Variants in LYRM4 observed in about 807,000 individuals in gnomAD.
LYRM4 encodes LYR motif-containing protein 4.
LYRM4 carries 9 observed loss-of-function variants against 11.7 expected under a neutral mutation model. That is an observed-to-expected ratio of 0.77 (90% confidence interval 0.46 to 1.34). The LOEUF (loss-of-function observed/expected upper bound fraction) is 1.34. LYRM4 is among the 40% of genes most tolerant of loss of function. The pLI, the probability that LYRM4 is intolerant of heterozygous loss-of-function variation, is 0.00. For synonymous variants in LYRM4, 42 were observed against 40.4 expected (o/e 1.04, Z -0.15); for missense variants, 133 against 112.5 (o/e 1.18, Z -0.82).
chr6:5,058,034 G>A, the LYRM4 span, among the ~76,000 whole-genome samples: 1 of 152,134 alleles, frequency 6.6e-6, no homozygotes, highest in South Asian at 2.1e-4. Context: ...TTACAGGCAT[G>A]AGCCACCACA....
chr6:5,041,159 G>A, the LYRM4 span, among the ~76,000 whole-genome samples: 2,858 of 151,010 alleles, frequency 0.019, 95 homozygotes, highest in African/African-American at 0.067. Flanking sequence ...AGTGAGACTC[G>A]TCTCAAAAAA....
chr6:5,089,019 C>A, the LYRM4 span: 1 of 152,180 alleles, frequency 6.6e-6, no homozygotes, highest in Non-Finnish European at 1.5e-5. Flanking sequence ...TGGAGATATC[C>A]CTTTGACTAT....
the LYRM4 span, among the ~76,000 whole-genome samples, chr6:5,074,390 A>G: frequency 1.6e-4 from 22 of 139,772 alleles, no homozygotes; most frequent in African/African-American, 5.8e-4. Context: ...GGAGAGAAGC[A>G]CAGGTACTTT....
At chr6:5,053,037 TAGAA>T in the LYRM4 span, among the ~76,000 whole-genome samples, 1 of 152,224 alleles carries the variant, frequency 6.6e-6, no homozygotes, top group Non-Finnish European at 1.5e-5. Flanking sequence ...TTATGTATAA[TAGAA>T]AGAAAGGCAA....
At chr6:5,182,457 TAACA>T (rs1760132251) in intron 2 of LYRM4, among the ~76,000 whole-genome samples, 1 of 152,254 alleles carries the variant, frequency 6.6e-6, no homozygotes, top group African/African-American at 2.4e-5. Context: ...CTTAAATGTT[TAACA>T]AAAATTCATT....
At chr6:5,074,527 G>T in the LYRM4 span, among the ~76,000 whole-genome samples, 2 of 150,214 alleles carry the variant, frequency 1.3e-5, no homozygotes, top group East Asian at 2.0e-4. Context: ...AGCAGCAAGA[G>T]AACTAGAATT....
At chr6:5,069,833 C>T in the LYRM4 span, among the ~76,000 whole-genome samples, 1 of 152,170 alleles carries the variant, frequency 6.6e-6, no homozygotes, top group Admixed American at 6.5e-5. Flanking sequence ...CTTTCCCAGA[C>T]AATAGAATAT....
At chr6:5,147,881 G>A (rs4960068) in intron 2 of LYRM4, among the ~76,000 whole-genome samples, 30,267 of 152,084 alleles carry the variant, frequency 0.2, 3,676 homozygotes, top group African/African-American at 0.33. Context: ...GGAAGCTCCA[G>A]GTCTCATTGA....
chr6:5,075,092 G>A, the LYRM4 span, among the ~76,000 whole-genome samples: 5 of 152,040 alleles, frequency 3.3e-5, no homozygotes, highest in African/African-American at 9.7e-5. Context: ...TTCACCTTCC[G>A]CCATGATTGT....
In LYRM4 at chr6:5,110,865, C is replaced by T. The variant is rs574440867; in HGVS notation, c.208-1374G>A. Among the ~76,000 whole-genome samples the T allele has an allele frequency of 6.6e-5, 10 of 152,278 alleles. No individual in the cohort carries two copies. The East Asian group carries it at 7.7e-4, about 12-fold the overall frequency. The stretch of plus-strand genomic sequence containing the variant: ...GGAGGGTCTGGGGTGCTGCGTTTCT[C>T]GCAACCTGCAGGTAATGCTGATGCT... On this transcript the variant is annotated intron_variant, in intron 2 of 2. Transcript: ENST00000330636.
At chr6:5,112,560 C>T (rs1762931893) in intron 2 of LYRM4, among the ~76,000 whole-genome samples, 1 of 152,244 alleles carries the variant, frequency 6.6e-6, no homozygotes, top group Non-Finnish European at 1.5e-5. Context: ...ATTCTGCAGA[C>T]AAGCAGTGAG....
intron 2 of LYRM4, among the ~76,000 whole-genome samples, chr6:5,213,318 G>A (rs1339532917): frequency 6.6e-6 from 1 of 152,184 alleles, no homozygotes; most frequent in East Asian, 1.9e-4. Context: ...CTAGGGTTAT[G>A]GGACGCGGGG....
At chr6:5,178,620 C>T (rs1427101420) in intron 2 of LYRM4, among the ~76,000 whole-genome samples, 1 of 150,962 alleles carries the variant, frequency 6.6e-6, no homozygotes, top group Non-Finnish European at 1.5e-5. Context: ...TTGAGACCAG[C>T]CTGACCAACA....
At chr6:5,117,818 C>T (rs1359207826) in intron 2 of LYRM4, among the ~76,000 whole-genome samples, 5 of 151,970 alleles carry the variant, frequency 3.3e-5, no homozygotes, top group Admixed American at 1.3e-4. Context: ...TAGTGCTCTA[C>T]GATCTCGCCT....
chr6:5,088,017 C>T, the LYRM4 span: 1 of 152,096 alleles, frequency 6.6e-6, no homozygotes, highest in Non-Finnish European at 1.5e-5. Context: ...GGCCCATGGG[C>T]CAAATTTGGC....
At chr6:5,167,615 T>C (rs1238272180) in intron 2 of LYRM4, among the ~76,000 whole-genome samples, 3 of 152,206 alleles carry the variant, frequency 2.0e-5, no homozygotes, top group Non-Finnish European at 4.4e-5. Context: ...ACATTCTGAA[T>C]CACAAGTAGA....
chr6:5,203,671 C>T (rs1329084593), intron 2 of LYRM4, among the ~76,000 whole-genome samples: 1 of 152,172 alleles, frequency 6.6e-6, no homozygotes, highest in Non-Finnish European at 1.5e-5. Context: ...GGAATTTAGT[C>T]TTCACAGCTC....
chr6:5,170,795 C>T lies in LYRM4; in HGVS notation c.207+45823G>A, dbSNP rs79132565. On this transcript the variant is annotated intron_variant, in intron 2 of 2. Transcript: ENST00000330636. ...GGGTATACATTTTGACCTATCAATTCTACTTCTAATAATCTATCCTAGTGA... is the reference window on the plus strand; with the variant it reads ...GGGTATACATTTTGACCTATCAATTTTACTTCTAATAATCTATCCTAGTGA... Among the ~76,000 whole-genome samples the T allele has an allele frequency of 7.4e-3, 1,132 of 152,326 alleles. 12 individuals are homozygous for T. Among genetic ancestry groups the T allele is most frequent in the South Asian group, 0.043 (209 of 4,830 alleles).
At chr6:5,140,790 T>C (rs981459915) in intron 2 of LYRM4, among the ~76,000 whole-genome samples, 1 of 152,244 alleles carries the variant, frequency 6.6e-6, no homozygotes, top group African/African-American at 2.4e-5. Context: ...TTTGCCACTA[T>C]GAAAAATAAA....
Sources: allele counts gnomAD v4.1 joint callset (sites outside exome capture counted in the v4.1 genomes callset), GRCh38; gene constraint gnomAD v4.1.1; transcripts MANE v1.5; gene names NCBI Gene and HGNC (gene_info 2026-07-23, HGNC 2026-07-21).